EPB41L4B: variants seen among roughly 807,000 people sequenced by gnomAD.
EPB41L4B encodes band 4.1-like protein 4B.
EPB41L4B carries 30 observed loss-of-function variants against 112.5 expected under a neutral mutation model. That is an observed-to-expected ratio of 0.27 (90% confidence interval 0.20 to 0.36). The LOEUF (loss-of-function observed/expected upper bound fraction) is 0.36, where lower values mean the gene tolerates loss of function less well. Ranked by LOEUF, EPB41L4B falls within the 10% of genes least tolerant of loss-of-function variation. The pLI, the probability that EPB41L4B is intolerant of heterozygous loss-of-function variation, is 1.00. For synonymous variants in EPB41L4B, 408 were observed against 439.7 expected, an observed-to-expected ratio of 0.93 and a Z score of 0.90; for missense variants, 1,024 against 1,133.3, an observed-to-expected ratio of 0.90 and a Z score of 1.38.
chr9:109,276,696 G>A (rs1036134677), intron 2 of EPB41L4B, among the ~76,000 whole-genome samples: 1 of 152,210 alleles, frequency 6.6e-6, no homozygotes, highest in Non-Finnish European at 1.5e-5. Context: ...ACTGGCGGGC[G>A]GGAAAGCCTG....
At position 109,226,757 on chromosome 9, in the gene EPB41L4B, T is replaced by TATATATATGAATATATATATGAAGA. The variant is rs1564279258; in HGVS notation, c.1410-9613_1410-9612insTCTTCATATATATATTCATATATAT. Among the ~76,000 whole-genome samples the TATATATATGAATATATATATGAAGA allele has an allele frequency of 6.4e-4, 24 of 37,600 alleles. No homozygotes were observed. The South Asian group carries it at 8.0e-3, about 13-fold the overall frequency. The allele number at this position is 37,600 out of a possible 152,430, so 24.7% of individuals were successfully genotyped here. A position where few individuals can be genotyped will look rare whatever the true frequency, so the allele number is the denominator to read the frequency against. ...ATATGAAGAATATATATATGAAGAA[T>TATATATATGAATATATATATGAAGA]ATATATATATGAATATATATATGAA... On this transcript the variant is annotated intron_variant, in intron 15 of 25. Transcript: ENST00000374566.
Position 109,182,820 on chromosome 9 carries a change from G to T in EPB41L4B, c.2419-23C>A, listed in dbSNP as rs761698856. 1.9e-6 allele frequency: 3 copies of T among 1,541,348 alleles called. No individual in the cohort carries two copies. The South Asian group carries it at 3.4e-5, about 17-fold the overall frequency. On this transcript the variant is annotated intron_variant, in intron 23 of 25. Transcript: ENST00000374566. ...TATCTTCAAAAGAGAGAAAGACAAG[G>T]GGGTTACCTTCAGATTAGAAAACAA...
chr9:109,258,901 G>A lies in EPB41L4B; in HGVS notation c.632-604C>T, dbSNP rs560811671. 1.6e-3 allele frequency among the ~76,000 whole-genome samples: 241 copies of A among 152,272 alleles called. 1 individual carries two copies. Among genetic ancestry groups the A allele is most frequent in the Admixed American group, 2.8e-3 (43 of 15,306 alleles). On this transcript the variant is annotated intron_variant, in intron 6 of 25. Transcript: ENST00000374566. ...AGAAAGGAGGGAGGAGCAGCCACAC[G>A]AGTGATCCGAGCAAGAAGCCCAATT...
intron 1 of EPB41L4B, among the ~76,000 whole-genome samples, chr9:109,290,054 G>C (rs2119176243): frequency 6.6e-6 from 1 of 152,272 alleles, no homozygotes; most frequent in Admixed American, 6.5e-5. Context: ...CTGTCCGATG[G>C]TAACTTCAAA....
intron 15 of EPB41L4B, among the ~76,000 whole-genome samples, chr9:109,224,034 T>A (rs536649353): frequency 1.1e-4 from 17 of 148,378 alleles, no homozygotes; most frequent in South Asian, 4.4e-4. Context: ...TAAAATAAAA[T>A]AAAAATAAAA....
rs571281094 is a variant in EPB41L4B at position 109,179,420 on chromosome 9, C to T, written c.2488-2724G>A. Among the ~76,000 whole-genome samples the T allele has an allele frequency of 2.2e-4, 34 of 152,322 alleles. No homozygotes were observed. In the South Asian group the frequency reaches 6.2e-3, roughly 28 times the overall value. On this transcript the variant is annotated intron_variant, in intron 24 of 25. Coordinates refer to ENST00000374566, the MANE Select transcript of EPB41L4B (RefSeq NM_019114.5). Reference sequence around the variant, plus strand: ...TCTTGGCAGGAAGGAGATGAGAACACTACACACAGGGGTGAGAAAATTGAG... The same window carrying T: ...TCTTGGCAGGAAGGAGATGAGAACATTACACACAGGGGTGAGAAAATTGAG...
chr9:109,234,011 C>T (rs749168865), intron 15 of EPB41L4B, among the ~76,000 whole-genome samples: 2 of 151,390 alleles, frequency 1.3e-5, no homozygotes, highest in African/African-American at 2.4e-5. Flanking sequence ...TATAACAAAC[C>T]GTCTTTAGAA....
At chr9:109,216,756 A>C (rs1833385135) in intron 16 of EPB41L4B, among the ~76,000 whole-genome samples, 166 bp downstream of exon 16, 1 of 152,218 alleles carries the variant, frequency 6.6e-6, no homozygotes, top group Non-Finnish European at 1.5e-5. Flanking sequence ...CTTCTGCTCA[A>C]ATGCATAAGG....
intron 1 of EPB41L4B, among the ~76,000 whole-genome samples, chr9:109,303,438 C>T (rs1837055602): frequency 6.6e-6 from 1 of 152,114 alleles, no homozygotes; most frequent in Non-Finnish European, 1.5e-5. Flanking sequence ...CTCCACCTCC[C>T]AGACTCAAGC....
intron 1 of EPB41L4B, among the ~76,000 whole-genome samples, chr9:109,303,043 T>C (rs145774955): frequency 6.9e-6 from 1 of 145,266 alleles, no homozygotes; most frequent in Non-Finnish European, 1.5e-5. Flanking sequence ...ACCATGCCAA[T>C]GTACTCTAGC....
At chr9:109,227,171 CT>C (rs1833812181) in intron 15 of EPB41L4B, among the ~76,000 whole-genome samples, 1 of 152,100 alleles carries the variant, frequency 6.6e-6, no homozygotes, top group South Asian at 2.1e-4. Flanking sequence ...TAATCTAATC[CT>C]ATATCAGACT....
At chr9:109,244,206 T>C (rs1052367652) in intron 14 of EPB41L4B, among the ~76,000 whole-genome samples, 1 of 152,110 alleles carries the variant, frequency 6.6e-6, no homozygotes. Context: ...CTCTGGTTTA[T>C]GCAATAAAAA....
intron 1 of EPB41L4B, among the ~76,000 whole-genome samples, chr9:109,296,997 C>T (rs76425055): frequency 6.6e-6 from 1 of 152,076 alleles, no homozygotes; most frequent in Non-Finnish European, 1.5e-5. Flanking sequence ...ACCCCGGTAC[C>T]TTGGAATGTG....
chr9:109,235,536 C>T (rs1485791782), intron 15 of EPB41L4B, among the ~76,000 whole-genome samples: 1 of 151,806 alleles, frequency 6.6e-6, no homozygotes, highest in Admixed American at 6.6e-5. Context: ...GCTGGGACTA[C>T]ACAGGCACAC....
At chr9:109,313,386 G>A (rs1271797755) in intron 1 of EPB41L4B, among the ~76,000 whole-genome samples, 3 of 152,100 alleles carry the variant, frequency 2.0e-5, no homozygotes, top group Non-Finnish European at 4.4e-5. Context: ...CTAGAGAGAG[G>A]CCACAGAGGC....
intron 24 of EPB41L4B, among the ~76,000 whole-genome samples, chr9:109,180,746 G>C (rs562527732): frequency 1.3e-5 from 2 of 152,238 alleles, no homozygotes; most frequent in East Asian, 3.9e-4. Flanking sequence ...CCACCTCACA[G>C]ATCCTCCAGA....
At chr9:109,194,423 C>T (rs1272924990) in intron 20 of EPB41L4B, 26 bp from the exon 21 acceptor site, 5 of 1,610,296 alleles carry the variant, frequency 3.1e-6, no homozygotes, top group South Asian at 1.1e-5. Flanking sequence ...GCACATGAAG[C>T]TCTGCTCATT....
intron 1 of EPB41L4B, among the ~76,000 whole-genome samples, chr9:109,292,782 T>C (rs1836581408): frequency 6.6e-6 from 1 of 152,210 alleles, no homozygotes; most frequent in African/African-American, 2.4e-5. Flanking sequence ...TGTCAGTGCA[T>C]CAACCCAATC....
chr9:109,280,019 C>T (rs1835976606), intron 1 of EPB41L4B, 98 bp from the exon 2 acceptor site: 3 of 747,642 alleles, frequency 4.0e-6, no homozygotes, highest in South Asian at 3.7e-5. Flanking sequence ...AAATTGCATA[C>T]ATGTCAGCAC....
Sources: gnomAD v4.1 joint callset for allele counts (sites outside exome capture counted in the v4.1 genomes callset) on GRCh38, gnomAD v4.1.1 for gene constraint, MANE v1.5 for transcripts, NCBI Gene and HGNC (gene_info 2026-07-23, HGNC 2026-07-21) for gene names.